CSMD1: variants seen among roughly 807,000 people sequenced by gnomAD.
CSMD1 encodes the protein CUB and Sushi multiple domains 1.
A neutral mutation model predicts 417.5 loss-of-function variants in CSMD1; 213 were observed. That is an observed-to-expected ratio of 0.51 (90% CI 0.46 to 0.57). The LOEUF (loss-of-function observed/expected upper bound fraction) is 0.57, where lower values mean the gene tolerates loss of function less well. Ranked by LOEUF, CSMD1 falls within the 20% of genes least tolerant of loss-of-function variation. The probability of loss-of-function intolerance (pLI) is 0.00; values close to 1 mark genes in which losing one functional copy is unlikely to be tolerated. For synonymous variants in CSMD1, 2,862 were observed against 1,736.8 expected (o/e 1.65, Z -16.11); for missense variants, 6,923 against 4,529.7 (o/e 1.53, Z -15.17).
At chr8:3,889,513 T>G (rs1806807403) in intron 5 of CSMD1, among the ~76,000 whole-genome samples, 1 of 116,240 alleles carries the variant, frequency 8.6e-6, no homozygotes, top group African/African-American at 3.1e-5. Context: ...CATTAGGTCA[T>G]GATATATACA....
intron 5 of CSMD1, among the ~76,000 whole-genome samples, chr8:3,929,274 C>A (rs1584983063): frequency 6.6e-6 from 1 of 150,464 alleles, no homozygotes. Flanking sequence ...TTTCCCCCTA[C>A]ATTCCCTCAA....
intron 63 of CSMD1, among the ~76,000 whole-genome samples, chr8:2,956,655 A>G (rs894575004): frequency 6.6e-6 from 1 of 151,770 alleles, no homozygotes; most frequent in African/African-American, 2.4e-5. Flanking sequence ...ATGGGATTTC[A>G]CCATGTTAGC....
At chr8:3,258,130 C>G (rs1800795149) in intron 26 of CSMD1, among the ~76,000 whole-genome samples, 1 of 151,896 alleles carries the variant, frequency 6.6e-6, no homozygotes, top group African/African-American at 2.4e-5. Flanking sequence ...ATATGAAAGA[C>G]AGAATATGAG....
chr8:4,441,211 A>C, intron 2 of CSMD1, among the ~76,000 whole-genome samples: 1 of 138,812 alleles, frequency 7.2e-6, no homozygotes, highest in South Asian at 2.4e-4. Flanking sequence ...CAATCCTCGC[A>C]CGTCAGCCTC....
At chr8:4,395,367 T>G (rs747023382) in intron 3 of CSMD1, among the ~76,000 whole-genome samples, 3 of 152,036 alleles carry the variant, frequency 2.0e-5, no homozygotes, top group Non-Finnish European at 4.4e-5. Flanking sequence ...ACTAGGGGAG[T>G]AGTCCCAATA....
At chr8:2,950,204 T>C (rs1019141070) in intron 67 of CSMD1, 27 bp downstream of exon 67, 1 of 1,398,080 alleles carries the variant, frequency 7.2e-7, no homozygotes. Context: ...GCCTGTGCTT[T>C]GTCACAGACC....
At chr8:4,880,167 T>G (rs910138287) in intron 1 of CSMD1, among the ~76,000 whole-genome samples, 6 of 151,586 alleles carry the variant, frequency 4.0e-5, no homozygotes, top group African/African-American at 1.2e-4. Flanking sequence ...CCCAGACATG[T>G]GGCTGAATTT....
Position 2,974,478 on chromosome 8 carries a change from A to G in CSMD1, c.8713T>C (p.Trp2905Arg). 6.2e-7 allele frequency: 1 copy of G among 1,612,006 alleles called. No homozygotes were observed. Among genetic ancestry groups the G allele is most frequent in the Non-Finnish European group, 8.5e-7 (1 of 1,178,406 alleles). Reference sequence around the variant, plus strand: ...GTGCAGTGGGGCAGTGCCCCGCTCCAGTGACTGTCTTCCTGGCACACTCTC... The same window carrying G: ...GTGCAGTGGGGCAGTGCCCCGCTCCGGTGACTGTCTTCCTGGCACACTCTC... Reference protein sequence around the residue: ...DTRVCQEDSHWSGALPHCTGN... With the variant: ...DTRVCQEDSHRSGALPHCTGN... The change falls in exon 56 of 70, where the codon TGG (tryptophan) becomes CGG (arginine). Residue 2905 changes from tryptophan (W) to arginine (R), a missense_variant. Coordinates refer to ENST00000635120, the MANE Select transcript of CSMD1 (RefSeq NM_033225.6).
intron 5 of CSMD1, among the ~76,000 whole-genome samples, chr8:3,896,667 A>C (rs986434305): frequency 1.3e-5 from 2 of 151,930 alleles, no homozygotes; most frequent in Non-Finnish European, 2.9e-5. Flanking sequence ...GCCCGCCACC[A>C]CACTGGCTAA....
chr8:3,199,865 A>G, intron 32 of CSMD1, 56 bp from the exon 33 acceptor site: 1 of 1,041,240 alleles, frequency 9.6e-7, no homozygotes, highest in Non-Finnish European at 1.4e-6. Context: ...GGGGGACGGT[A>G]GTATTTTGGA....
At chr8:4,437,676 A>G (rs890129055) in intron 2 of CSMD1, among the ~76,000 whole-genome samples, 2 of 152,136 alleles carry the variant, frequency 1.3e-5, no homozygotes, top group Non-Finnish European at 2.9e-5. Flanking sequence ...TTAACCTAAT[A>G]TTTATAAGAC....
chr8:4,066,311 C>G (rs1799245576), intron 3 of CSMD1, among the ~76,000 whole-genome samples: 1 of 152,176 alleles, frequency 6.6e-6, no homozygotes, highest in Non-Finnish European at 1.5e-5. Flanking sequence ...ATGTCTGGCT[C>G]TTAAAGGTGT....
intron 3 of CSMD1, among the ~76,000 whole-genome samples, chr8:4,302,960 G>C (rs904788574): frequency 1.8e-4 from 27 of 151,950 alleles, no homozygotes; most frequent in African/African-American, 6.5e-4. Flanking sequence ...GCATGAAACT[G>C]TGACCAGAAG....
At chr8:4,643,756 G>T (rs7009980) in intron 1 of CSMD1, among the ~76,000 whole-genome samples, 16,043 of 152,226 alleles carry the variant, frequency 0.11, 1,332 homozygotes, top group East Asian at 0.32. Context: ...TACAGTTTCA[G>T]GGGTTATTCC....
intron 3 of CSMD1, among the ~76,000 whole-genome samples, chr8:4,314,749 G>C (rs1038550348): frequency 6.6e-6 from 1 of 152,070 alleles, no homozygotes; most frequent in Non-Finnish European, 1.5e-5. Context: ...TTACACATCT[G>C]ACCCATGTCT....
chr8:3,732,363 T>C (rs1250903753), intron 6 of CSMD1, among the ~76,000 whole-genome samples: 1 of 151,840 alleles, frequency 6.6e-6, no homozygotes, highest in African/African-American at 2.4e-5. Context: ...AGTAAACCAA[T>C]GAAATTTTAT....
intron 3 of CSMD1, among the ~76,000 whole-genome samples, chr8:4,392,174 C>G (rs958161644): frequency 3.9e-5 from 6 of 152,172 alleles, no homozygotes; most frequent in African/African-American, 1.4e-4. Flanking sequence ...ATTTTTGTTT[C>G]AACGTGCTAA....
At chr8:3,319,371 G>A (rs74503322) in intron 23 of CSMD1, among the ~76,000 whole-genome samples, 6,326 of 152,114 alleles carry the variant, frequency 0.042, 425 homozygotes, top group African/African-American at 0.14. Context: ...AAAGAATTTG[G>A]TATAATTTTA....
intron 1 of CSMD1, among the ~76,000 whole-genome samples, chr8:4,789,089 A>C (rs1196806071): frequency 6.6e-6 from 1 of 152,228 alleles, no homozygotes; most frequent in African/African-American, 2.4e-5. Flanking sequence ...ACCATCCAGA[A>C]AAGGTAATCA....
Sources: allele counts gnomAD v4.1 joint callset (sites outside exome capture counted in the v4.1 genomes callset), GRCh38; gene constraint gnomAD v4.1.1; transcripts MANE v1.5; gene names NCBI Gene and HGNC (gene_info 2026-07-23, HGNC 2026-07-21).